PKD2: variants seen among roughly 807,000 people sequenced by gnomAD.
PKD2 encodes the protein polycystin 2, transient receptor potential cation channel.
A neutral mutation model predicts 105.9 loss-of-function variants in PKD2; 48 were observed. The observed-to-expected ratio is 0.45, with a 90% CI of 0.36 to 0.58. The LOEUF is 0.58. PKD2 is among the 20% of genes least tolerant of loss of function. PKD2 has a pLI of 0.00. For missense variants in PKD2, 1,078 were observed against 1,255.3 expected (o/e 0.86, Z 2.13); for synonymous variants, 464 against 481.1 (o/e 0.96, Z 0.46).
chr4:88,031,231 G>T lies in PKD2; in HGVS notation c.710-4989G>T, dbSNP rs1319602691. Among the ~76,000 whole-genome samples, 5 of 152,162 alleles carry T rather than the reference G, an allele frequency of 3.3e-5. No individual in the cohort carries two copies. In the East Asian group the frequency reaches 7.7e-4, roughly 23 times the overall value. On this transcript the variant is annotated intron_variant, in intron 2 of 14. Coordinates refer to ENST00000237596, the MANE Select transcript of PKD2 (RefSeq NM_000297.4). The stretch of plus-strand genomic sequence containing the variant: ...AGTATTCTAAACATGTTTAAGGTAG[G>T]CCAGGCTAAGCTGTGTTGCTCATTC...
intron 1 of PKD2, 133 bp downstream of exon 1, chr4:88,008,461 C>T (rs1221523573): frequency 9.2e-5 from 104 of 1,133,968 alleles, no homozygotes; most frequent in South Asian, 1.4e-4. Context: ...CTTGGAAGCG[C>T]ATTCCCCACC....
intron 2 of PKD2, among the ~76,000 whole-genome samples, chr4:88,024,457 G>GAAAAA (rs552942631): frequency 1.6e-3 from 80 of 50,364 alleles, no homozygotes; most frequent in African/African-American, 3.8e-3. Flanking sequence ...ACTCTGTCTC[G>GAAAAA]AAAAAAAAAA....
chr4:88,059,763 A>ACATG (rs969016626), intron 9 of PKD2, among the ~76,000 whole-genome samples: 2 of 152,092 alleles, frequency 1.3e-5, no homozygotes, highest in African/African-American at 2.4e-5. Flanking sequence ...ATACATACAT[A>ACATG]CATACATACA....
At chr4:88,016,598 A>G (rs996634486) in intron 1 of PKD2, among the ~76,000 whole-genome samples, 5 of 152,156 alleles carry the variant, frequency 3.3e-5, no homozygotes, top group Admixed American at 6.5e-5. Context: ...TACACACCCA[A>G]TGGGAAAATG....
intron 9 of PKD2, 149 bp downstream of exon 9, chr4:88,058,252 T>A: frequency 1.6e-6 from 1 of 635,110 alleles, no homozygotes; most frequent in Non-Finnish European, 2.8e-6. Flanking sequence ...TATTTTCCTT[T>A]TATTAATTCA....
chr4:88,046,782 A>G lies in PKD2; in HGVS notation c.1460A>G (p.Tyr487Cys), dbSNP rs751653904. 27 of 1,610,344 alleles carry G rather than the reference A, an allele frequency of 1.7e-5. No homozygotes were observed. The highest frequency in any genetic ancestry group is 2.7e-5 in the African/African-American group (2 of 74,934). The change falls in exon 6 of 15, where the codon TAT (tyrosine) becomes TGT (cysteine). Residue 487 changes from tyrosine to cysteine, a missense_variant. Coordinates refer to ENST00000237596, the MANE Select transcript of PKD2 (RefSeq NM_000297.4). ...ATCTTTTGTTTCTTTATCTTTTACTATGTGGTGGAAGAGATATTGGAAATT... is the reference window on the plus strand; with the variant it reads ...ATCTTTTGTTTCTTTATCTTTTACTGTGTGGTGGAAGAGATATTGGAAATT... Reference protein sequence around the residue: ...EIIFCFFIFYYVVEEILEIRI... With the variant: ...EIIFCFFIFYCVVEEILEIRI...
chr4:88,063,254 T>C (rs1720649101), intron 10 of PKD2, among the ~76,000 whole-genome samples: 7 of 152,160 alleles, frequency 4.6e-5, no homozygotes, highest in Admixed American at 3.9e-4. Flanking sequence ...AATGGATAAT[T>C]GAAAAAGAGA....
intron 6 of PKD2, among the ~76,000 whole-genome samples, chr4:88,047,561 A>G (rs2725212): frequency 0.31 from 46,936 of 152,066 alleles, 10,849 homozygotes; most frequent in African/African-American, 0.64. Flanking sequence ...ACCTTGCCTC[A>G]AAAAGAAAAG....
chr4:88,039,916 T>C (rs1181329600), intron 4 of PKD2, among the ~76,000 whole-genome samples: 1 of 152,158 alleles, frequency 6.6e-6, no homozygotes, highest in Non-Finnish European at 1.5e-5. Flanking sequence ...TTTATTTTGC[T>C]TTCTAATGTG....
At chr4:88,028,521 C>G (rs1486493751) in intron 2 of PKD2, among the ~76,000 whole-genome samples, 2 of 152,198 alleles carry the variant, frequency 1.3e-5, no homozygotes, top group Non-Finnish European at 2.9e-5. Context: ...GACAAAAACT[C>G]AATTTTAAAA....
intron 13 of PKD2, among the ~76,000 whole-genome samples, chr4:88,070,771 A>G (rs1467822634): frequency 1.3e-5 from 2 of 151,058 alleles, no homozygotes; most frequent in African/African-American, 2.4e-5. Flanking sequence ...AGCTAGGACT[A>G]TGGGCACATG....
At chr4:88,022,085 A>G (rs1726772007) in intron 2 of PKD2, among the ~76,000 whole-genome samples, 2 of 152,192 alleles carry the variant, frequency 1.3e-5, no homozygotes, top group Middle Eastern at 3.2e-3. Flanking sequence ...AGGCTGTTTC[A>G]TCATATAAAT....
intron 13 of PKD2, among the ~76,000 whole-genome samples, chr4:88,069,958 A>C (rs1720951595): frequency 6.6e-6 from 1 of 152,216 alleles, no homozygotes; most frequent in African/African-American, 2.4e-5. Context: ...ACAAAAGGAG[A>C]AATGTACATA....
intron 13 of PKD2, among the ~76,000 whole-genome samples, chr4:88,070,732 A>G (rs1721002714): frequency 6.6e-6 from 1 of 151,142 alleles, no homozygotes; most frequent in Admixed American, 6.6e-5. Context: ...CCTGGGCTCA[A>G]ATGATCCTCC....
At position 88,026,524 on chromosome 4, in the gene PKD2, T is replaced by C. The variant is rs149584429; in HGVS notation, c.709+6953T>C. 2.5e-3 allele frequency among the ~76,000 whole-genome samples: 373 copies of C among 152,234 alleles called. 3 individuals are homozygous for C. Among genetic ancestry groups the C allele is most frequent in the African/African-American group, 8.6e-3 (358 of 41,540 alleles). ...ACTTATGTTTAAAGGGGAAGCAGAG[T>C]GCAACAAAAGTTTAGGGAGTTTGCA... On this transcript the variant is annotated intron_variant, in intron 2 of 14. Transcript: ENST00000237596.
intron 7 of PKD2, 47 bp downstream of exon 7, chr4:88,052,205 A>T: frequency 8.4e-7 from 1 of 1,197,288 alleles, no homozygotes; most frequent in Non-Finnish European, 1.2e-6. Context: ...TATTTTCTTT[A>T]AAAAAAATGA....
chr4:88,029,119 G>T (rs566689523), intron 2 of PKD2, among the ~76,000 whole-genome samples: 1 of 152,124 alleles, frequency 6.6e-6, no homozygotes, highest in East Asian at 1.9e-4. Flanking sequence ...GGTCACGGGG[G>T]ATGGCTCTTT....
chr4:88,019,470 C>G lies in PKD2; in HGVS notation c.608C>G (p.Thr203Arg), dbSNP rs770950317. The G allele has an allele frequency of 6.4e-6, 10 of 1,572,450 alleles. No homozygotes were observed. Among genetic ancestry groups the G allele is most frequent in the Non-Finnish European group, 7.9e-6 (9 of 1,142,180 alleles). ...TATTATTTTAAAGGTCTCTGGGGAA[C>G]AAGACTCATGGAGGAAAGCAGCACT... ...LVRGLRGLWG[T>R]RLMEESSTNR... The change falls in exon 2 of 15, where the codon ACA (threonine) becomes AGA (arginine). Residue 203 changes from threonine (T) to arginine (R), a missense_variant. By Grantham distance (71) the Thr-to-Arg change is moderately conservative. Transcript: ENST00000237596.
chr4:88,044,505 A>C (rs1727697147), intron 5 of PKD2, among the ~76,000 whole-genome samples: 1 of 152,344 alleles, frequency 6.6e-6, no homozygotes, highest in South Asian at 2.1e-4. Flanking sequence ...GTACCACATT[A>C]AATCAATTAT....
Sources: allele counts gnomAD v4.1 joint callset (sites outside exome capture counted in the v4.1 genomes callset), GRCh38; gene constraint gnomAD v4.1.1; transcripts MANE v1.5; gene names NCBI Gene and HGNC (gene_info 2026-07-23, HGNC 2026-07-21).